The following RBFOX1 variants were observed in gnomAD, a reference collection of about 807,000 sequenced individuals.
RBFOX1 encodes the protein RNA binding protein fox-1 homolog 1.
In RBFOX1, 8 loss-of-function variants were observed where a neutral mutation model predicts 57.7. That is an observed-to-expected ratio of 0.14 (90% confidence interval 0.08 to 0.25). The LOEUF (loss-of-function observed/expected upper bound fraction) is 0.25. RBFOX1 is among the 10% of genes least tolerant of loss of function. RBFOX1 has a pLI of 1.00. For missense variants in RBFOX1, 611 were observed against 548.5 expected, an observed-to-expected ratio of 1.11 and a Z score of -1.14; for synonymous variants, 326 against 222.4, an observed-to-expected ratio of 1.47 and a Z score of -4.15.
At chr16:5,615,672 C>G (rs895763281) in intron 3 of RBFOX1, among the ~76,000 whole-genome samples, 11 of 152,144 alleles carry the variant, frequency 7.2e-5, no homozygotes, top group African/African-American at 2.7e-4. Context: ...CACTTTGGAT[C>G]GAGCCGTTTC....
intron 10 of RBFOX1, among the ~76,000 whole-genome samples, chr16:7,621,677 G>T (rs530484477): frequency 1.3e-5 from 2 of 152,130 alleles, no homozygotes; most frequent in South Asian, 2.1e-4. Context: ...TAATTTTTTG[G>T]CAAGTATTGA....
chr16:6,883,694 C>G (rs1383736561), intron 3 of RBFOX1, among the ~76,000 whole-genome samples: 1 of 151,934 alleles, frequency 6.6e-6, no homozygotes, highest in East Asian at 1.9e-4. Context: ...CCAGGCTGTT[C>G]AAATATGAGA....
chr16:5,452,388 G>A (rs998647968), intron 1 of RBFOX1, among the ~76,000 whole-genome samples: 2 of 151,326 alleles, frequency 1.3e-5, no homozygotes, highest in African/African-American at 2.4e-5. Context: ...GGGTTACAGG[G>A]GTGAGTTACT....
At chr16:7,646,422 A>G (rs989592253) in intron 11 of RBFOX1, among the ~76,000 whole-genome samples, 31 of 152,324 alleles carry the variant, frequency 2.0e-4, no homozygotes, top group East Asian at 7.7e-4. Context: ...GTAAGTGAAT[A>G]TTTCCTACCA....
chr16:7,568,903 A>AAAAAAAAAAAC (rs2092449518), intron 5 of RBFOX1, among the ~76,000 whole-genome samples: 1 of 151,202 alleles, frequency 6.6e-6, no homozygotes, highest in Non-Finnish European at 1.5e-5. Flanking sequence ...AAAAAAAAAA[A>AAAAAAAAAAAC]AAAGAATCAC....
intron 2 of RBFOX1, among the ~76,000 whole-genome samples, chr16:6,504,775 G>T (rs549916571): frequency 3.9e-5 from 6 of 152,262 alleles, no homozygotes; most frequent in African/African-American, 1.2e-4. Context: ...ACAAAGTCTG[G>T]CCAGGTGCAG....
intron 4 of RBFOX1, among the ~76,000 whole-genome samples, chr16:7,502,483 T>A (rs1250974550): frequency 4.6e-5 from 7 of 152,178 alleles, no homozygotes; most frequent in Admixed American, 2.6e-4. Flanking sequence ...ACAAAGCCAT[T>A]GGGTTGTTTA....
intron 4 of RBFOX1, among the ~76,000 whole-genome samples, chr16:7,343,735 A>C (rs1603625673): frequency 6.6e-6 from 1 of 152,304 alleles, no homozygotes; most frequent in East Asian, 1.9e-4. Context: ...GCTCTAGAGC[A>C]GACTGCCTGG....
At position 7,333,701 on chromosome 16, in the gene RBFOX1, G is replaced by T. The variant is rs542696925; in HGVS notation, c.28-184446G>T. ...AAAGTGGAGGGTTGATATGTGTGCT[G>T]GTTTTACTTTGAAGTCTTTTAATTC... On this transcript the variant is annotated intron_variant, in intron 4 of 15. Coordinates refer to ENST00000550418, the MANE Select transcript of RBFOX1 (RefSeq NM_018723.4). 9.9e-5 allele frequency among the ~76,000 whole-genome samples: 15 copies of T among 152,244 alleles called. No homozygotes were observed. In the South Asian group the frequency reaches 3.1e-3, roughly 32 times the overall value.
rs556319429 is a variant in RBFOX1, at chr16:5,537,100, G to C, written c.259-61802G>C. ...GTCCATGTTTCTTGTACTTCTGCTA[G>C]CAGTCTGTTCATGTTGATTTAGGTA... On this transcript the variant is annotated intron_variant, in intron 2 of 2. Coordinates refer to the RBFOX1 transcript ENST00000585867. Among the ~76,000 whole-genome samples, 8 of 152,246 alleles carry C rather than the reference G, an allele frequency of 5.3e-5. No individual in the cohort carries two copies. The South Asian group carries it at 1.7e-3, about 32-fold the overall frequency.
At chr16:7,202,669 A>T (rs2088884337) in intron 4 of RBFOX1, among the ~76,000 whole-genome samples, 1 of 152,194 alleles carries the variant, frequency 6.6e-6, no homozygotes, top group African/African-American at 2.4e-5. Context: ...CCACGGCATT[A>T]GGTTCTCACA....
intron 4 of RBFOX1, among the ~76,000 whole-genome samples, chr16:5,870,914 C>G (rs1473087032): frequency 6.6e-6 from 1 of 151,880 alleles, no homozygotes; most frequent in African/African-American, 2.4e-5. Context: ...TTAAGCAGAA[C>G]AAACCCCACC....
chr16:7,213,919 C>G (rs1395178511), intron 4 of RBFOX1, among the ~76,000 whole-genome samples: 1 of 147,780 alleles, frequency 6.8e-6, no homozygotes, highest in Non-Finnish European at 1.5e-5. Context: ...CATGCAGGAA[C>G]TCTGAAGTGG....
intron 4 of RBFOX1, among the ~76,000 whole-genome samples, chr16:7,143,405 G>T (rs2074256524): frequency 6.6e-6 from 1 of 152,142 alleles, no homozygotes; most frequent in African/African-American, 2.4e-5. Context: ...GGTGTGGGGT[G>T]TGAGATTTCT....
chr16:7,220,667 T>C (rs1020755435), intron 4 of RBFOX1, among the ~76,000 whole-genome samples: 6 of 152,102 alleles, frequency 3.9e-5, no homozygotes, highest in African/African-American at 1.4e-4. Flanking sequence ...TCTTTGTACA[T>C]GGGGGGATGG....
At chr16:6,480,842 C>A (rs2095361033) in intron 2 of RBFOX1, among the ~76,000 whole-genome samples, 1 of 152,124 alleles carries the variant, frequency 6.6e-6, no homozygotes, top group African/African-American at 2.4e-5. Context: ...GTCTATATAG[C>A]AATGGAGGTA....
intron 11 of RBFOX1, among the ~76,000 whole-genome samples, chr16:7,635,229 CA>C (rs1242435953): frequency 6.6e-6 from 1 of 152,192 alleles, no homozygotes; most frequent in Non-Finnish European, 1.5e-5. Flanking sequence ...AAAGGTAAAT[CA>C]TTGGTTCCAT....
At chr16:6,151,238 G>A (rs1451190429) in intron 1 of RBFOX1, among the ~76,000 whole-genome samples, 1 of 152,124 alleles carries the variant, frequency 6.6e-6, no homozygotes, top group Non-Finnish European at 1.5e-5. Flanking sequence ...GGAACCCCGC[G>A]ACACCATTTG....
chr16:5,709,653 A>G (rs1010999539), intron 3 of RBFOX1, among the ~76,000 whole-genome samples: 5 of 150,288 alleles, frequency 3.3e-5, no homozygotes, highest in Admixed American at 1.3e-4. Context: ...GCATTCTTAC[A>G]TAGGATAATA....
Sources: gnomAD v4.1 joint callset for allele counts (sites outside exome capture counted in the v4.1 genomes callset) on GRCh38, gnomAD v4.1.1 for gene constraint, MANE v1.5 for transcripts, NCBI Gene and HGNC (gene_info 2026-07-23, HGNC 2026-07-21) for gene names.